Variants in C1S observed in about 807,000 individuals in gnomAD.
C1S encodes the protein complement C1s subcomponent.
Under a neutral mutation model 54.0 loss-of-function variants are expected in C1S, and 31 were observed. The ratio of observed to expected loss-of-function variants is 0.57; its 90% CI spans 0.43 to 0.78. The LOEUF is 0.78. C1S is among the 30% of genes least tolerant of loss of function. The probability of loss-of-function intolerance (pLI) is 0.00; values close to 1 mark genes in which losing one functional copy is unlikely to be tolerated. For synonymous variants in C1S, 292 were observed against 303.6 expected (o/e 0.96, Z 0.40); for missense variants, 727 against 851.8 (o/e 0.85, Z 1.82).
chr12:7,066,570 G>A lies in C1S; in HGVS notation c.924G>A (p.Lys308=), dbSNP rs1937667774. ...CCAATTCTGTTTGGGAGCCTGCGAA[G>A]GCAAAATATGTCTTTAGAGATGTGG... ...DTPNSVWEPA[K]AKYVFRDVVQ... The change falls in exon 8 of 12, where the codon AAG becomes AAA. Residue 308 remains lysine (K), a synonymous_variant. Coordinates refer to ENST00000360817, the MANE Select transcript of C1S (RefSeq NM_001734.5). 6.2e-7 allele frequency: 1 copy of A among 1,614,108 alleles called. No individual in the cohort carries two copies. The highest frequency in any genetic ancestry group is 8.5e-7 in the Non-Finnish European group (1 of 1,179,940).
In C1S at chr12:7,068,443, T is replaced by C. The variant is rs1555162656; in HGVS notation, c.1196-13T>C. 6.2e-7 allele frequency: 1 copy of C among 1,602,572 alleles called. No homozygotes were observed. The highest frequency in any genetic ancestry group is 1.7e-5 in the Admixed American group (1 of 59,998). On this transcript the variant is annotated splice_polypyrimidine_tract_variant and intron_variant, in intron 10 of 11. Coordinates refer to ENST00000360817, the MANE Select transcript of C1S (RefSeq NM_001734.5). ...GGTGGTGAGTGTGGCCTGTGTTCTC[T>C]GTGCTATTCCAGGGGAGTATCACTG...
Position 7,070,986 on chromosome 12 carries a change from T to C in C1S, c.*335T>C, listed in dbSNP as rs76033197. 5.0e-3 allele frequency: 1,632 copies of C among 327,800 alleles called. 18 individuals carry two copies. Among genetic ancestry groups the C allele is most frequent in the African/African-American group, 0.032 (1,509 of 46,988 alleles). The allele number at this position is 327,800 out of a possible 1,614,324, so 20.3% of individuals were successfully genotyped here. A position where few individuals can be genotyped will look rare whatever the true frequency, so the allele number is the denominator to read the frequency against. ...TTCAAAATTCCATTTACTTGATCAT[T>C]CTCAGTATCCACTGTCTATGTACAA... On this transcript the variant is annotated 3_prime_UTR_variant, in exon 12 of 12. Coordinates refer to ENST00000360817, the MANE Select transcript of C1S (RefSeq NM_001734.5). The surrounding 1 kb of genome is among the most constrained non-coding windows in gnomAD (Gnocchi z 4.9).
Position 7,070,738 on chromosome 12 carries a change from A to G in C1S, c.*87A>G, listed in dbSNP as rs1803215. ...ATGATATTCTCATTATTTCATCATG[A>G]CTGAAAGAAGACACGAGCGAATGAT... On this transcript the variant is annotated 3_prime_UTR_variant, in exon 12 of 12. Transcript: ENST00000360817. The surrounding 1 kb of genome is among the most constrained non-coding windows in gnomAD (Gnocchi z 4.9). 5.3e-6 allele frequency: 6 copies of G among 1,127,032 alleles called. No homozygotes were observed. Among genetic ancestry groups the G allele is most frequent in the Non-Finnish European group, 8.1e-6 (6 of 743,168 alleles). The allele number at this position is 1,127,032 out of a possible 1,614,324, so 69.8% of individuals were successfully genotyped here.
chr12:7,068,233 T>C (rs782215185), intron 10 of C1S, among the ~76,000 whole-genome samples: 1 of 152,236 alleles, frequency 6.6e-6, no homozygotes, highest in South Asian at 2.1e-4. Flanking sequence ...CTTCTTTCCT[T>C]CTGCTTTGGA....
intron 5 of C1S, among the ~76,000 whole-genome samples, 176 bp downstream of exon 5, chr12:7,064,568 G>A (rs904700045): frequency 7.2e-5 from 11 of 151,888 alleles, no homozygotes; most frequent in East Asian, 5.8e-4. Context: ...AATAGTTTTG[G>A]GGGTACTGGT....
At chr12:7,061,669 C>T (rs1251866198) in intron 1 of C1S, 170 bp from the exon 2 acceptor site, 9 of 604,106 alleles carry the variant, frequency 1.5e-5, no homozygotes, top group African/African-American at 3.7e-5. Context: ...GAAAGTTAGT[C>T]GAAGTTAACT....
rs782237129 is a variant in C1S at position 7,067,816 on chromosome 12, G to C, written c.1195+45G>C. On this transcript the variant is annotated intron_variant, in intron 10 of 11. Transcript: ENST00000360817. ...GAAGAGAGAGAGAGAGTGAGAAGGT[G>C]TTGGAGGGTGGATAGCATAATCTGT... The C allele has an allele frequency of 7.6e-6, 12 of 1,588,804 alleles. No individual in the cohort carries two copies. The South Asian group carries it at 1.1e-4, about 15-fold the overall frequency.
chr12:7,064,386 T>C lies in C1S; in HGVS notation c.511T>C (p.Cys171Arg), dbSNP rs1555161784. 10 of 1,614,116 alleles carry C rather than the reference T, an allele frequency of 6.2e-6. No homozygotes were observed. Among genetic ancestry groups the C allele is most frequent in the Non-Finnish European group, 6.8e-6 (8 of 1,180,010 alleles). The change falls in exon 5 of 12, where the codon TGC becomes CGC. Residue 171 changes from cysteine to arginine, a missense_variant. By Grantham distance (180) the Cys-to-Arg change is radical. Coordinates refer to ENST00000360817, the MANE Select transcript of C1S (RefSeq NM_001734.5). Reference protein sequence around the residue: ...EYFLHDDMKNCGVNCSGDVFT... With the variant: ...EYFLHDDMKNRGVNCSGDVFT... Reference sequence around the variant, plus strand: ...TTTCCTCCATGATGACATGAAGAATTGCGGAGGTGAGCTTGGTGTTAAGAG... The same window carrying C: ...TTTCCTCCATGATGACATGAAGAATCGCGGAGGTGAGCTTGGTGTTAAGAG...
intron 11 of C1S, among the ~76,000 whole-genome samples, chr12:7,069,053 G>A (rs782141477): frequency 2.6e-5 from 4 of 152,142 alleles, no homozygotes; most frequent in Non-Finnish European, 5.9e-5. Flanking sequence ...ATTCGTGTCC[G>A]TATAACAGCC....
In C1S at chr12:7,070,725, T is replaced by C; in HGVS notation, c.*74T>C. The stretch of plus-strand genomic sequence containing the variant: ...CCTTCTGTTCCTTATGATATTCTCA[T>C]TATTTCATCATGACTGAAAGAAGAC... On this transcript the variant is annotated 3_prime_UTR_variant, in exon 12 of 12. Coordinates refer to ENST00000360817, the MANE Select transcript of C1S (RefSeq NM_001734.5). This position sits in a 1 kb window ranked among gnomAD's most constrained non-coding sequence, Gnocchi z 4.9. 8.4e-7 allele frequency: 1 copy of C among 1,194,694 alleles called. No homozygotes were observed. Among genetic ancestry groups the C allele is most frequent in the Non-Finnish European group, 1.2e-6 (1 of 802,794 alleles). The allele number at this position is 1,194,694 out of a possible 1,614,324, so 74.0% of individuals were successfully genotyped here.
At chr12:7,061,688 T>G (rs1214629034) in intron 1 of C1S, 151 bp from the exon 2 acceptor site, 5 of 648,946 alleles carry the variant, frequency 7.7e-6, no homozygotes, top group African/African-American at 1.8e-5. Context: ...CTAGGGAGGG[T>G]GTGAGGGGCA....
intron 5 of C1S, 57 bp downstream of exon 5, chr12:7,064,449 T>C: frequency 6.2e-7 from 1 of 1,607,872 alleles, no homozygotes; most frequent in Non-Finnish European, 8.5e-7. Flanking sequence ...GGCTGAGGCC[T>C]CAGAAAGGGC....
intron 4 of C1S, 26 bp downstream of exon 4, chr12:7,063,093 C>G (rs1555161551): frequency 6.3e-7 from 1 of 1,597,008 alleles, no homozygotes; most frequent in East Asian, 2.2e-5. Flanking sequence ...CTGCATGTGC[C>G]TTATTGACCC....
intron 7 of C1S, 153 bp downstream of exon 7, chr12:7,066,123 A>G (rs1200705327): frequency 1.3e-6 from 1 of 745,130 alleles, no homozygotes; most frequent in African/African-American, 1.7e-5. Flanking sequence ...GAGCCCAGGA[A>G]GTAGGAGTTT....
chr12:7,062,591 A>G lies in C1S; in HGVS notation c.122A>G (p.Asp41Gly), dbSNP rs1555161414. Residue 41 changes from aspartate (D) to glycine (G), a missense_variant, in exon 3 of 12, where the codon GAC becomes GGC. Coordinates refer to ENST00000360817, the MANE Select transcript of C1S (RefSeq NM_001734.5). The part of the protein sequence containing the change: ...AYPSEVEKSW[D>G]IEVPEGYGIH... Reference sequence around the variant, plus strand: ...CCCAGTGAGGTAGAGAAATCTTGGGACATAGAAGTTCCTGAAGGGTATGGG... The same window carrying G: ...CCCAGTGAGGTAGAGAAATCTTGGGGCATAGAAGTTCCTGAAGGGTATGGG... 1.2e-6 allele frequency: 2 copies of G among 1,614,142 alleles called. No individual in the cohort carries two copies. The highest frequency in any genetic ancestry group is 1.1e-5 in the South Asian group (1 of 91,084).
intron 6 of C1S, 65 bp downstream of exon 6, chr12:7,065,364 A>AT (rs200668320): frequency 3.1e-4 from 404 of 1,289,238 alleles, no homozygotes; most frequent in Non-Finnish European, 3.9e-4. Context: ...CTGAAGACAA[A>AT]TTTTTTTTTC....
Position 7,065,228 on chromosome 12 carries a change from G to C in C1S, c.646G>C (p.Val216Leu). Residue 216 changes from valine to leucine, a missense_variant, in exon 6 of 12, where the codon GTG (valine) becomes CTG (leucine). Transcript: ENST00000360817. ...GTTGGAGAAAGGGTTCCAAGTGGTG[G>C]TGACCTTGCGGAGAGAAGATTTTGA... The part of the protein sequence containing the change: ...IRLEKGFQVV[V>L]TLRREDFDVE... 1 of 1,614,130 alleles carries C rather than the reference G, an allele frequency of 6.2e-7. No individual in the cohort carries two copies. Among genetic ancestry groups the C allele is most frequent in the Non-Finnish European group, 8.5e-7 (1 of 1,179,976 alleles).
At chr12:7,061,253 T>A (rs1251242969) in intron 1 of C1S, 1 of 156,044 alleles carries the variant, frequency 6.4e-6, no homozygotes, top group Non-Finnish European at 1.4e-5. Context: ...CACAACCCTG[T>A]ATCAGTGGGG....
At chr12:7,061,593 T>C in intron 1 of C1S, 2 of 443,990 alleles carry the variant, frequency 4.5e-6, no homozygotes, top group Non-Finnish European at 8.4e-6. Context: ...CTCGATTCCT[T>C]TGGAGAAAAA....
Sources: allele counts gnomAD v4.1 joint callset (sites outside exome capture counted in the v4.1 genomes callset), GRCh38; gene constraint gnomAD v4.1.1; non-coding constraint Gnocchi (gnomAD v3.1); transcripts MANE v1.5; gene names NCBI Gene and HGNC (gene_info 2026-07-23, HGNC 2026-07-21).